The following OSBPL10 variants were observed in gnomAD, a reference collection of about 807,000 sequenced individuals.
OSBPL10 encodes the protein oxysterol binding protein like 10.
Under a neutral mutation model 81.7 loss-of-function variants are expected in OSBPL10, and 49 were observed. The observed-to-expected ratio is 0.60, with a 90% CI of 0.48 to 0.76. The LOEUF is 0.76. OSBPL10 is among the 30% of genes least tolerant of loss of function. The pLI is 0.00. For missense variants in OSBPL10, 923 were observed against 987.8 expected, an observed-to-expected ratio of 0.93 and a Z score of 0.88; for synonymous variants, 419 against 383.6, an observed-to-expected ratio of 1.09 and a Z score of -1.08.
intron 1 of OSBPL10, among the ~76,000 whole-genome samples, chr3:31,929,469 C>T (rs993724126): frequency 2.0e-5 from 3 of 151,978 alleles, no homozygotes; most frequent in African/African-American, 4.8e-5. Flanking sequence ...AAATATCGGC[C>T]GGGCGCGGTG....
At chr3:31,724,887 T>A (rs981791598) in intron 6 of OSBPL10, among the ~76,000 whole-genome samples, 2 of 152,164 alleles carry the variant, frequency 1.3e-5, no homozygotes, top group Non-Finnish European at 2.9e-5. Context: ...CAGGAGGCAG[T>A]ATAGCCTATG....
intron 6 of OSBPL10, among the ~76,000 whole-genome samples, chr3:31,724,208 T>C (rs1199954319): frequency 3.9e-5 from 6 of 152,200 alleles, no homozygotes; most frequent in Admixed American, 3.3e-4. Context: ...GCCCTTTTCA[T>C]TCACCAGTTT....
intron 2 of OSBPL10, among the ~76,000 whole-genome samples, chr3:32,012,524 A>G (rs1699270132): frequency 6.6e-6 from 1 of 152,234 alleles, no homozygotes; most frequent in Non-Finnish European, 1.5e-5. Context: ...CTAGGAAGAA[A>G]CTGCATCAAC....
chr3:31,824,006 C>G (rs1475830310), intron 4 of OSBPL10, among the ~76,000 whole-genome samples: 1 of 152,110 alleles, frequency 6.6e-6, no homozygotes. Context: ...TTCATGCCAC[C>G]ACACCCAGCT....
chr3:31,662,229 G>T lies in OSBPL10; in HGVS notation c.2251-113C>A, dbSNP rs1012582076. On this transcript the variant is annotated intron_variant, in intron 11 of 11. Coordinates refer to ENST00000396556, the MANE Select transcript of OSBPL10 (RefSeq NM_017784.5). ...TCTGCCGTGTCTTAATACCTCACAC[G>T]CAGGCCAGGCTGCTGGCCTCAGTAC... The T allele has an allele frequency of 2.1e-5, 33 of 1,553,934 alleles. 1 individual carries two copies. The South Asian group carries it at 4.1e-4, about 19-fold the overall frequency.
intron 1 of OSBPL10, among the ~76,000 whole-genome samples, chr3:31,892,728 G>A (rs1220340981): frequency 6.6e-6 from 1 of 152,102 alleles, no homozygotes; most frequent in Non-Finnish European, 1.5e-5. Flanking sequence ...AGAGGGCGAG[G>A]GTGAGGGCAA....
intron 4 of OSBPL10, among the ~76,000 whole-genome samples, chr3:31,810,561 TA>T (rs1253606208): frequency 6.6e-6 from 1 of 152,044 alleles, no homozygotes; most frequent in Non-Finnish European, 1.5e-5. Context: ...GAAGGTGAAT[TA>T]TCTTAATATA....
Position 31,990,152 on chromosome 3 carries a change from C to T in OSBPL10, n.298+56339G>A, listed in dbSNP as rs766434093. 3.7e-6 allele frequency: 6 copies of T among 1,611,724 alleles called. No homozygotes were observed. The Admixed American group carries it at 5.0e-5, about 13-fold the overall frequency. On this transcript the variant is annotated intron_variant and non_coding_transcript_variant, in intron 2 of 3. Coordinates refer to the OSBPL10 transcript ENST00000479173. ...GCTTTCAGGCGTGATTCACACCTCACACAACACACTAGAATTCACACTGGA... is the reference window on the plus strand; with the variant it reads ...GCTTTCAGGCGTGATTCACACCTCATACAACACACTAGAATTCACACTGGA...
At chr3:31,928,658 T>C (rs1440924406) in intron 1 of OSBPL10, among the ~76,000 whole-genome samples, 1 of 150,488 alleles carries the variant, frequency 6.6e-6, no homozygotes, top group Admixed American at 6.7e-5. Context: ...TGCCTGTCTG[T>C]AGTCCTAGCT....
intron 1 of OSBPL10, among the ~76,000 whole-genome samples, chr3:31,946,795 G>C (rs991922949): frequency 1.8e-4 from 28 of 152,238 alleles, no homozygotes; most frequent in Admixed American, 3.9e-4. Context: ...AGTCACCCAA[G>C]AGTTTTTAGT....
chr3:31,921,874 A>T (rs1575616659), intron 1 of OSBPL10, among the ~76,000 whole-genome samples: 1 of 152,258 alleles, frequency 6.6e-6, no homozygotes, highest in Non-Finnish European at 1.5e-5. Context: ...TCATGTTGAT[A>T]GTATGTACCC....
chr3:31,900,723 T>C (rs182481811), intron 1 of OSBPL10, among the ~76,000 whole-genome samples: 1 of 152,374 alleles, frequency 6.6e-6, no homozygotes, highest in Admixed American at 6.5e-5. Context: ...TTGGATGTTA[T>C]AGGTATTGAG....
intron 4 of OSBPL10, among the ~76,000 whole-genome samples, chr3:31,782,844 G>T (rs530866665): frequency 2.6e-5 from 4 of 152,116 alleles, no homozygotes; most frequent in African/African-American, 9.7e-5. Flanking sequence ...TGGTGAGAAC[G>T]TCAACTAGCG....
chr3:31,850,393 A>G (rs1401601389), intron 3 of OSBPL10, among the ~76,000 whole-genome samples: 1 of 152,096 alleles, frequency 6.6e-6, no homozygotes, highest in Non-Finnish European at 1.5e-5. Context: ...CAAACAAAAA[A>G]CAAAAACAAT....
At chr3:31,969,870 GAA>G (rs58507991) in intron 1 of OSBPL10, among the ~76,000 whole-genome samples, 6 of 113,916 alleles carry the variant, frequency 5.3e-5, no homozygotes, top group South Asian at 2.6e-4. Flanking sequence ...AACAAAAAAA[GAA>G]AAAAAAAAAA....
At chr3:31,723,005 T>C (rs1388932558) in intron 6 of OSBPL10, among the ~76,000 whole-genome samples, 1 of 152,204 alleles carries the variant, frequency 6.6e-6, no homozygotes, top group African/African-American at 2.4e-5. Context: ...GTTTTAAGGA[T>C]TGATACACTG....
At chr3:31,968,870 A>G (rs974266038) in intron 1 of OSBPL10, among the ~76,000 whole-genome samples, 4 of 152,242 alleles carry the variant, frequency 2.6e-5, no homozygotes, top group Admixed American at 2.0e-4. Context: ...AGCCAAGCTA[A>G]TAAAAATTAC....
At chr3:31,901,801 G>C (rs1696250900) in intron 1 of OSBPL10, among the ~76,000 whole-genome samples, 1 of 152,210 alleles carries the variant, frequency 6.6e-6, no homozygotes, top group Non-Finnish European at 1.5e-5. Context: ...ACTTTGGGAA[G>C]CCAAGGCGGG....
intron 6 of OSBPL10, among the ~76,000 whole-genome samples, chr3:31,709,861 C>G (rs1696195985): frequency 6.6e-6 from 1 of 152,216 alleles, no homozygotes; most frequent in Non-Finnish European, 1.5e-5. Context: ...TTTACAGCAT[C>G]TCAATGAGCA....
Sources: gnomAD v4.1 joint callset for allele counts (sites outside exome capture counted in the v4.1 genomes callset) on GRCh38, gnomAD v4.1.1 for gene constraint, MANE v1.5 for transcripts, NCBI Gene and HGNC (gene_info 2026-07-23, HGNC 2026-07-21) for gene names.